The following CDH20 variants were observed in gnomAD, a reference collection of about 807,000 sequenced individuals.
CDH20 encodes cadherin 20, also known as cadherin-20.
Under a neutral mutation model 74.2 loss-of-function variants are expected in CDH20, and 29 were observed. That is an observed-to-expected ratio of 0.39 (90% confidence interval 0.29 to 0.53). The LOEUF is 0.53. Among genes scored for constraint, CDH20 ranks in the 20% least tolerant of loss-of-function variants. The pLI is 0.69. For missense variants in CDH20, 988 were observed against 1,048.3 expected, an observed-to-expected ratio of 0.94 and a Z score of 0.79; for synonymous variants, 469 against 405.4, an observed-to-expected ratio of 1.16 and a Z score of -1.88.
intron 1 of CDH20, among the ~76,000 whole-genome samples, chr18:61,476,515 T>C (rs922179926): frequency 6.6e-6 from 1 of 152,194 alleles, no homozygotes; most frequent in Non-Finnish European, 1.5e-5. Context: ...TTGAGGTGAT[T>C]TATTTTATAA....
chr18:61,427,395 C>A (rs1410082246), intron 1 of CDH20, among the ~76,000 whole-genome samples: 1 of 151,996 alleles, frequency 6.6e-6, no homozygotes, highest in Non-Finnish European at 1.5e-5. Context: ...CCAAGGTCAC[C>A]CACCTAGAAA....
chr18:61,498,812 C>T (rs1911260014), intron 2 of CDH20, among the ~76,000 whole-genome samples: 1 of 152,124 alleles, frequency 6.6e-6, no homozygotes, highest in Non-Finnish European at 1.5e-5. Flanking sequence ...TTAGGCTTAT[C>T]CATTTTATTT....
intron 6 of CDH20, among the ~76,000 whole-genome samples, chr18:61,510,458 A>G (rs1242509412): frequency 1.3e-5 from 2 of 152,212 alleles, no homozygotes; most frequent in Admixed American, 1.3e-4. Flanking sequence ...AACCTTGACA[A>G]AAACCACAGT....
At chr18:61,374,777 T>C (rs1911160085) in intron 1 of CDH20, among the ~76,000 whole-genome samples, 1 of 152,114 alleles carries the variant, frequency 6.6e-6, no homozygotes, top group African/African-American at 2.4e-5. Flanking sequence ...TGCACCTGTC[T>C]ACACAAAGCA....
Position 61,441,348 on chromosome 18 carries a change from T to A in CDH20, c.-152-49054T>A, listed in dbSNP as rs201675986. Reference sequence around the variant, plus strand: ...AAATCCTTTTCATAATTTTACTTTTTAAATTCCCTCCCTATATTCATCTTG... The same window carrying A: ...AAATCCTTTTCATAATTTTACTTTTAAAATTCCCTCCCTATATTCATCTTG... On this transcript the variant is annotated intron_variant, in intron 1 of 11. Transcript: ENST00000262717. Among the ~76,000 whole-genome samples, 21 of 152,320 alleles carry A rather than the reference T, an allele frequency of 1.4e-4. No individual in the cohort carries two copies. In the East Asian group the frequency reaches 3.7e-3, roughly 27 times the overall value.
intron 1 of CDH20, among the ~76,000 whole-genome samples, chr18:61,398,276 A>T (rs1912049838): frequency 6.6e-6 from 1 of 152,232 alleles, no homozygotes; most frequent in Non-Finnish European, 1.5e-5. Flanking sequence ...CTGCTTTGTA[A>T]TTGATAGTTC....
At chr18:61,497,718 A>G (rs553461697) in intron 2 of CDH20, among the ~76,000 whole-genome samples, 2 of 152,216 alleles carry the variant, frequency 1.3e-5, no homozygotes, top group East Asian at 3.9e-4. Context: ...CCTCACACTT[A>G]TAAGGAAATT....
chr18:61,443,913 T>G (rs2144323568), intron 1 of CDH20, among the ~76,000 whole-genome samples: 1 of 152,122 alleles, frequency 6.6e-6, no homozygotes, highest in South Asian at 2.1e-4. Flanking sequence ...AAATTGCAGA[T>G]GGCCCTAGAT....
intron 9 of CDH20, among the ~76,000 whole-genome samples, chr18:61,541,916 G>C (rs1913055279): frequency 6.6e-6 from 1 of 152,190 alleles, no homozygotes; most frequent in Non-Finnish European, 1.5e-5. Flanking sequence ...AATCTGACCT[G>C]CTGGGAGAAC....
intron 1 of CDH20, among the ~76,000 whole-genome samples, 165 bp from the exon 2 acceptor site, chr18:61,490,237 C>A (rs1268303994): frequency 6.6e-6 from 1 of 152,226 alleles, no homozygotes; most frequent in East Asian, 1.9e-4. Context: ...GTCTTATTAT[C>A]AAAATAGTAT....
chr18:61,430,375 C>A lies in CDH20; in HGVS notation c.-152-60027C>A, dbSNP rs1315128688. On this transcript the variant is annotated intron_variant, in intron 1 of 11. Coordinates refer to ENST00000262717, the MANE Select transcript of CDH20 (RefSeq NM_031891.4). ...AGGTAAAGTACTATTCTCATCACAT[C>A]ATATCAGGATACATGTTGATAGTAC... is the stretch of plus-strand genomic sequence containing the variant. Among the ~76,000 whole-genome samples the A allele has an allele frequency of 2.6e-5, 4 of 152,160 alleles. No homozygotes were observed. The East Asian group carries it at 7.7e-4, about 29-fold the overall frequency.
At chr18:61,518,152 T>A (rs1912072032) in intron 6 of CDH20, among the ~76,000 whole-genome samples, 1 of 152,086 alleles carries the variant, frequency 6.6e-6, no homozygotes, top group African/African-American at 2.4e-5. Flanking sequence ...CCCATCTCCC[T>A]GGGAAAAAAC....
rs978769611 is a variant in CDH20 at position 61,426,932 on chromosome 18, C to T, written c.-152-63470C>T. 2.0e-5 allele frequency among the ~76,000 whole-genome samples: 3 copies of T among 152,018 alleles called. No homozygotes were observed. In the South Asian group the frequency reaches 6.2e-4, roughly 32 times the overall value. ...GGAGCGTAGTCATTGGGTCTGTGGTCAGTTAAGTGGGGACCTGACTGAGAC... is the reference window on the plus strand; with the variant it reads ...GGAGCGTAGTCATTGGGTCTGTGGTTAGTTAAGTGGGGACCTGACTGAGAC... On this transcript the variant is annotated intron_variant, in intron 1 of 11. Transcript: ENST00000262717.
chr18:61,409,875 TG>T (rs1050260663), intron 1 of CDH20, among the ~76,000 whole-genome samples: 3 of 152,128 alleles, frequency 2.0e-5, no homozygotes, highest in African/African-American at 7.2e-5. Flanking sequence ...AACACCAACC[TG>T]TTGCCTATGA....
chr18:61,553,691 G>T (rs182637864), intron 11 of CDH20, among the ~76,000 whole-genome samples: 23 of 152,264 alleles, frequency 1.5e-4, no homozygotes, highest in African/African-American at 5.1e-4. Flanking sequence ...TGCATATTAA[G>T]ATATGATTAT....
At chr18:61,384,396 T>C (rs1050804730) in intron 1 of CDH20, among the ~76,000 whole-genome samples, 3 of 152,144 alleles carry the variant, frequency 2.0e-5, no homozygotes, top group Non-Finnish European at 4.4e-5. Flanking sequence ...TTGGAATAAA[T>C]CTTCTGAAGG....
At chr18:61,467,491 A>G (rs1910001607) in intron 1 of CDH20, among the ~76,000 whole-genome samples, 1 of 152,184 alleles carries the variant, frequency 6.6e-6, no homozygotes, top group South Asian at 2.1e-4. Context: ...TTGCAACTTC[A>G]ATCACTTTGA....
intron 1 of CDH20, among the ~76,000 whole-genome samples, chr18:61,345,163 AACACT>A (rs1250662294): frequency 2.0e-5 from 3 of 152,220 alleles, no homozygotes; most frequent in Non-Finnish European, 4.4e-5. Flanking sequence ...AAAGATTTAA[AACACT>A]GTTCAGCATT....
intron 1 of CDH20, among the ~76,000 whole-genome samples, chr18:61,438,672 C>T (rs1329075451): frequency 6.6e-6 from 1 of 152,120 alleles, no homozygotes; most frequent in Non-Finnish European, 1.5e-5. Flanking sequence ...TTAATTAATT[C>T]AGTCACTGTG....
Sources: gnomAD v4.1 joint callset for allele counts (sites outside exome capture counted in the v4.1 genomes callset) on GRCh38, gnomAD v4.1.1 for gene constraint, MANE v1.5 for transcripts, NCBI Gene and HGNC (gene_info 2026-07-23, HGNC 2026-07-21) for gene names.